Variants in GP2 observed in about 807,000 individuals in gnomAD.
The protein encoded by GP2 is pancreatic secretory granule membrane major glycoprotein GP2.
Under a neutral mutation model 60.8 loss-of-function variants are expected in GP2, and 58 were observed. The observed-to-expected ratio is 0.95, with a 90% CI of 0.77 to 1.19. GP2 has a LOEUF of 1.19. GP2 is among the 50% of genes most tolerant of loss of function. GP2 has a pLI of 0.00. For missense variants in GP2, 647 were observed against 667.4 expected (o/e 0.97, Z 0.34); for synonymous variants, 280 against 253.4 (o/e 1.10, Z -1.00).
chr16:20,318,933 T>C (rs1436383841), intron 6 of GP2, among the ~76,000 whole-genome samples: 3 of 152,016 alleles, frequency 2.0e-5, no homozygotes, highest in Non-Finnish European at 2.9e-5. Context: ...CAGGGAGCAA[T>C]AGGGAATGAG....
At chr16:20,316,910 CCT>C (rs1964191510) in intron 8 of GP2, among the ~76,000 whole-genome samples, 1 of 150,568 alleles carries the variant, frequency 6.6e-6, no homozygotes, top group Non-Finnish European at 1.5e-5. Flanking sequence ...TTCCTTTCTC[CCT>C]CTCTCTTCCC....
rs758172123 is a variant in GP2 at position 20,317,213 on chromosome 16, A to G, written c.1416T>C (p.Pro472=). ...LCDSLNEQCQ[P]SCSRSQVRSE... is the part of the protein sequence containing the mutation. The stretch of plus-strand genomic sequence containing the variant: ...GAGTTCAGTTCAAAGAGACACTCAC[A>G]GGCTGGCACTGTTCATTAAGAGAAT... The change falls in exon 8 of 11, where the codon CCT becomes CCC. Residue 472 remains proline, a splice_region_variant and synonymous_variant. Coordinates refer to ENST00000302555, the MANE Select transcript of GP2 (RefSeq NM_001502.4). The G allele has an allele frequency of 6.2e-7, 1 of 1,608,968 alleles. No homozygotes were observed. The highest frequency in any genetic ancestry group is 8.5e-7 in the Non-Finnish European group (1 of 1,177,108).
chr16:20,320,299 C>T lies in GP2; in HGVS notation c.821G>A (p.Ser274Asn), dbSNP rs1412801118. Residue 274 changes from serine to asparagine, a missense_variant, in exon 5 of 11, where the codon AGC becomes AAC. Transcript: ENST00000302555. ...CCTGCAGGCACTAGCCTGGACGGGGCTGGTCACAGATACCCAGTTCCTCTC... is the reference window on the plus strand; with the variant it reads ...CCTGCAGGCACTAGCCTGGACGGGGTTGGTCACAGATACCCAGTTCCTCTC... ...TEERNWVSVT[S>N]PVQASACRNI... is the part of the protein sequence containing the mutation. 1.9e-6 allele frequency: 3 copies of T among 1,614,128 alleles called. No homozygotes were observed. Among genetic ancestry groups the T allele is most frequent in the Non-Finnish European group, 2.5e-6 (3 of 1,179,964 alleles).
At chr16:20,322,164 C>G (rs1310414738) in intron 4 of GP2, among the ~76,000 whole-genome samples, 1 of 152,228 alleles carries the variant, frequency 6.6e-6, no homozygotes, top group East Asian at 1.9e-4. Flanking sequence ...AGAACACTCT[C>G]TCTTCCATAG....
At chr16:20,314,406 C>T (rs1292412634) in intron 10 of GP2, among the ~76,000 whole-genome samples, 1 of 151,786 alleles carries the variant, frequency 6.6e-6, no homozygotes, top group African/African-American at 2.4e-5. Context: ...TGAGGGTAGG[C>T]ACCTGGGCTG....
At position 20,310,919 on chromosome 16, in the gene GP2, G is replaced by C. The variant is rs1963977019; in HGVS notation, c.*304C>G. 3.5e-5 allele frequency: 8 copies of C among 227,814 alleles called. No individual in the cohort carries two copies. The South Asian group carries it at 4.9e-4, about 14-fold the overall frequency. The allele number at this position is 227,814 out of a possible 1,614,324, so 14.1% of individuals were successfully genotyped here. A position where few individuals can be genotyped will look rare whatever the true frequency, so the allele number is the denominator to read the frequency against. On this transcript the variant is annotated 3_prime_UTR_variant, in exon 11 of 11. Transcript: ENST00000302555. ...TTACAGGCGCCTGCCACCATGCCTG[G>C]CTAATTTTTGTATTTTTAGTAGAGA... is the stretch of plus-strand genomic sequence containing the variant.
chr16:20,312,743 C>T (rs183097390), intron 10 of GP2, among the ~76,000 whole-genome samples: 36 of 152,176 alleles, frequency 2.4e-4, no homozygotes, highest in African/African-American at 6.3e-4. Context: ...CTCCTCCTCC[C>T]GGGTTCAAGT....
rs774589321 is a variant in GP2 at position 20,320,412 on chromosome 16, G to A, written c.708C>T (p.Asp236=). ...AACCCAGGCCTCCCAGCAAACATTT[G>A]TCCACCTTCACCTTGATCTCCCTGG... The part of the protein sequence containing the change: ...CGPREIKVKV[D]KCLLGGLGLG... Residue 236 remains aspartate, a synonymous_variant, in exon 5 of 11, where the codon GAC becomes GAT. Coordinates refer to ENST00000302555, the MANE Select transcript of GP2 (RefSeq NM_001502.4). 1.2e-6 allele frequency: 2 copies of A among 1,613,804 alleles called. No individual in the cohort carries two copies. Among genetic ancestry groups the A allele is most frequent in the Admixed American group, 3.3e-5 (2 of 59,986 alleles).
intron 9 of GP2, among the ~76,000 whole-genome samples, 192 bp from the exon 10 acceptor site, chr16:20,314,893 A>G (rs1157703524): frequency 6.6e-6 from 1 of 152,142 alleles, no homozygotes; most frequent in Non-Finnish European, 1.5e-5. Context: ...CTTAGACTTA[A>G]TCCTCCTAAC....
Position 20,318,149 on chromosome 16 carries a change from G to A in GP2, c.1253+36C>T, listed in dbSNP as rs573312642. 3.7e-5 allele frequency: 59 copies of A among 1,585,940 alleles called. No homozygotes were observed. In the South Asian group the frequency reaches 4.6e-4, roughly 12 times the overall value. On this transcript the variant is annotated intron_variant, in intron 7 of 10. Coordinates refer to ENST00000302555, the MANE Select transcript of GP2 (RefSeq NM_001502.4). ...GATGAACACTTTCCTGTAAACGTTAGTAAGGCCAAATGATAATTCCAGAAT... is the reference window on the plus strand; with the variant it reads ...GATGAACACTTTCCTGTAAACGTTAATAAGGCCAAATGATAATTCCAGAAT...
chr16:20,323,368 A>G (rs1964425722), intron 3 of GP2: 1 of 718,486 alleles, frequency 1.4e-6, no homozygotes, highest in Admixed American at 2.0e-5. Flanking sequence ...TGGGGTAATT[A>G]GGTAGCACTT....
chr16:20,323,440 A>G, intron 3 of GP2: 3 of 717,530 alleles, frequency 4.2e-6, no homozygotes, highest in Non-Finnish European at 7.8e-6. Flanking sequence ...TAGGATAGCA[A>G]CAAGGACATT....
chr16:20,319,691 G>A lies in GP2; in HGVS notation c.936C>T (p.Asn312=), dbSNP rs1020390866. ...NDFIIRDTIL[N]INFQCAYPLD... ...GTGGGTAGGCACATTGGAAGTTGAT[G>A]TTGAGGATGGTGTCTCTGATGATGA... is the stretch of plus-strand genomic sequence containing the variant. The change falls in exon 6 of 11, where the codon AAC becomes AAT. Residue 312 remains asparagine, a synonymous_variant. Transcript: ENST00000302555. The A allele has an allele frequency of 6.2e-7, 1 of 1,607,910 alleles. No homozygotes were observed.
In GP2 at chr16:20,317,385, T is replaced by G. The variant is rs767456092; in HGVS notation, c.1254-10A>C. On this transcript the variant is annotated splice_polypyrimidine_tract_variant and intron_variant, in intron 7 of 10. Coordinates refer to ENST00000302555, the MANE Select transcript of GP2 (RefSeq NM_001502.4). ...ACGTTGATTTGAGCAGCTGGGAGGG[T>G]GACAGGGGCAAAGGTGTAACTTCTA... is the stretch of plus-strand genomic sequence containing the variant. 6.2e-7 allele frequency: 1 copy of G among 1,610,900 alleles called. No homozygotes were observed. The highest frequency in any genetic ancestry group is 1.1e-5 in the South Asian group (1 of 90,828).
chr16:20,324,680 A>G (rs1481935639), intron 2 of GP2, among the ~76,000 whole-genome samples: 1 of 152,250 alleles, frequency 6.6e-6, no homozygotes, highest in Non-Finnish European at 1.5e-5. Context: ...AAGTAACAAT[A>G]AATTTGTAAT....
At chr16:20,313,597 A>G (rs914758849) in intron 10 of GP2, among the ~76,000 whole-genome samples, 1 of 152,176 alleles carries the variant, frequency 6.6e-6, no homozygotes, top group Admixed American at 6.5e-5. Flanking sequence ...TTTTCTGACC[A>G]CTTATCCATT....
rs768911355 is a variant in GP2 at position 20,319,730 on chromosome 16, G to T, written c.897C>A (p.Ser299=). 3 of 1,612,448 alleles carry T rather than the reference G, an allele frequency of 1.9e-6. No individual in the cohort carries two copies. Among genetic ancestry groups the T allele is most frequent in the Non-Finnish European group, 2.5e-6 (3 of 1,178,480 alleles). Residue 299 remains serine (S), a synonymous_variant, in exon 6 of 11, where the codon TCC becomes TCA. Transcript: ENST00000302555. ...CTCTGATGATGAAATCATTGACCAA[G>T]GAGAGGGTGTTTTTGTAGATGGCAT... is the stretch of plus-strand genomic sequence containing the variant. ...QTHAIYKNTL[S]LVNDFIIRDT...
chr16:20,315,180 A>T (rs1279299274), intron 9 of GP2, among the ~76,000 whole-genome samples: 1 of 152,204 alleles, frequency 6.6e-6, no homozygotes, highest in Non-Finnish European at 1.5e-5. Context: ...GAGAATGGAA[A>T]TGGTGATAAT....
At position 20,321,180 on chromosome 16, in the gene GP2, CTGGGATTACAGGCA is replaced by C. The variant is rs58178139; in HGVS notation, c.647-721_647-708del. Among the ~76,000 whole-genome samples the C allele has an allele frequency of 9.7e-3, 1,475 of 151,916 alleles. 33 individuals are homozygous for C. Among genetic ancestry groups the C allele is most frequent in the African/African-American group, 0.034 (1,407 of 41,406 alleles). Reference sequence around the variant, plus strand: ...ATTCTCCTGCCTCAGCCTCCCAAGGCTGGGATTACAGGCATGGGATTACAGGCATGAGCCACCAC... The same window carrying C: ...ATTCTCCTGCCTCAGCCTCCCAAGGCTGGGATTACAGGCATGAGCCACCAC... On this transcript the variant is annotated intron_variant, in intron 4 of 10. Coordinates refer to ENST00000302555, the MANE Select transcript of GP2 (RefSeq NM_001502.4).
Sources: gnomAD v4.1 joint callset for allele counts (sites outside exome capture counted in the v4.1 genomes callset) on GRCh38, gnomAD v4.1.1 for gene constraint, MANE v1.5 for transcripts, NCBI Gene and HGNC (gene_info 2026-07-23, HGNC 2026-07-21) for gene names.